Variants in CAMK1D observed in about 807,000 individuals in gnomAD.
CAMK1D encodes calcium/calmodulin dependent protein kinase ID.
CAMK1D carries 9 observed loss-of-function variants against 47.7 expected under a neutral mutation model. That is an observed-to-expected ratio of 0.19 (90% CI 0.11 to 0.33). CAMK1D has a LOEUF of 0.33. Among genes scored for constraint, CAMK1D ranks in the 10% least tolerant of loss-of-function variants. The probability of loss-of-function intolerance (pLI) is 1.00; values close to 1 mark genes in which losing one functional copy is unlikely to be tolerated. For synonymous variants in CAMK1D, 184 were observed against 184.9 expected, an observed-to-expected ratio of 0.99 and a Z score of 0.04; for missense variants, 291 against 488.7, an observed-to-expected ratio of 0.60 and a Z score of 3.81.
Position 12,553,269 on chromosome 10 carries a change from G to T in CAMK1D, c.137G>T (p.Gly46Val), listed in dbSNP as rs749966956. 1 of 1,614,170 alleles carries T rather than the reference G, an allele frequency of 6.2e-7. No homozygotes were observed. ...EVVLAEEKAT[G>V]KLFAVKCIPK... ...GTTTTAGCTGAAGAGAAGGCAACTG[G>T]CAAGCTCTTTGCTGTGAAGTGTATC... The change falls in exon 2 of 11, where the codon GGC (glycine) becomes GTC (valine). Residue 46 changes from glycine (G) to valine (V), a missense_variant. Physicochemically the swap from Gly to Val is moderately radical, Grantham distance 109. Around this residue, in one of 2 missense-constraint regions of CAMK1D, gnomAD observed 219 missense variants for 424.3 expected, o/e 0.52. Coordinates refer to ENST00000619168, the MANE Select transcript of CAMK1D (RefSeq NM_153498.4).
intron 3 of CAMK1D, among the ~76,000 whole-genome samples, chr10:12,734,309 C>T (rs1486004198): frequency 4.4e-5 from 5 of 114,092 alleles, no homozygotes; most frequent in Non-Finnish European, 5.0e-5. Context: ...GGCAACACAG[C>T]GAGACTCCAT....
chr10:12,602,797 GT>G (rs964739837), intron 2 of CAMK1D, among the ~76,000 whole-genome samples: 12 of 152,072 alleles, frequency 7.9e-5, no homozygotes, highest in Non-Finnish European at 1.6e-4. Flanking sequence ...GCCTCTGTCT[GT>G]GTGGGAAGGG....
intron 3 of CAMK1D, among the ~76,000 whole-genome samples, chr10:12,712,744 G>C (rs1833984396): frequency 6.6e-6 from 1 of 152,122 alleles, no homozygotes; most frequent in Non-Finnish European, 1.5e-5. Flanking sequence ...GGGTAGGGGA[G>C]ACTAACATTC....
intron 5 of CAMK1D, among the ~76,000 whole-genome samples, chr10:12,771,991 G>A (rs139859239): frequency 5.3e-5 from 8 of 151,812 alleles, no homozygotes; most frequent in East Asian, 3.9e-4. Context: ...CTGAGATTGC[G>A]CCACTGCACT....
chr10:12,825,842 C>A, intron 10 of CAMK1D, 152 bp downstream of exon 10: 2 of 1,307,714 alleles, frequency 1.5e-6, no homozygotes, highest in Non-Finnish European at 2.1e-6. Flanking sequence ...CTTTTTTTAA[C>A]ATGTAATCAC....
rs1644395 is a variant in CAMK1D, at chr10:12,831,464, A to G, written c.*2577A>G. ...TTTGCATTCAGAAAGCAGCATTTGA[A>G]GCTGAGTTCCATTACTGGTGATTGA... On this transcript the variant is annotated 3_prime_UTR_variant, in exon 11 of 11. Transcript: ENST00000619168. The G allele has an allele frequency of 0.32, 49,400 of 152,152 alleles. 8,332 individuals carry two copies. Among genetic ancestry groups the G allele is most frequent in the South Asian group, 0.42 (2,037 of 4,816 alleles). 9.4% of individuals were successfully genotyped at this position (152,152 alleles called of 1,614,324 possible).
At chr10:12,659,395 C>G (rs1353621004) in intron 2 of CAMK1D, among the ~76,000 whole-genome samples, 12 of 152,176 alleles carry the variant, frequency 7.9e-5, no homozygotes, top group Admixed American at 5.9e-4. Flanking sequence ...TGATTATAAA[C>G]TGTGAGTGAT....
At chr10:12,377,202 TA>T (rs1014085264) in intron 1 of CAMK1D, among the ~76,000 whole-genome samples, 114 of 149,578 alleles carry the variant, frequency 7.6e-4, no homozygotes, top group African/African-American at 1.8e-3. Context: ...ACAAACAAAT[TA>T]AAAAAAAAAT....
At chr10:12,440,096 A>G (rs1007185908) in intron 1 of CAMK1D, among the ~76,000 whole-genome samples, 4 of 152,222 alleles carry the variant, frequency 2.6e-5, no homozygotes, top group Non-Finnish European at 2.9e-5. Context: ...TTGGGTGGGG[A>G]CACAGCCAAA....
chr10:12,614,337 A>C (rs934587599), intron 2 of CAMK1D, among the ~76,000 whole-genome samples: 3 of 152,340 alleles, frequency 2.0e-5, no homozygotes, highest in African/African-American at 7.2e-5. Context: ...GTGCACATGT[A>C]ATCCAGATTG....
chr10:12,368,130 T>A (rs368711919), intron 1 of CAMK1D, among the ~76,000 whole-genome samples: 25 of 150,864 alleles, frequency 1.7e-4, no homozygotes, highest in African/African-American at 5.4e-4. Context: ...AGGCGGAGCT[T>A]GCAGTGAGCC....
intron 2 of CAMK1D, among the ~76,000 whole-genome samples, chr10:12,573,769 C>T (rs11257898): frequency 6.6e-6 from 1 of 151,202 alleles, no homozygotes. Flanking sequence ...ATCCTCCCAC[C>T]TCAGCCTCGC....
chr10:12,531,556 G>A (rs763588423), intron 1 of CAMK1D, among the ~76,000 whole-genome samples: 11 of 152,186 alleles, frequency 7.2e-5, no homozygotes, highest in Admixed American at 2.6e-4. Flanking sequence ...GAACTGCCAC[G>A]GAGCAGGAGA....
rs577248102 is a variant in CAMK1D, at chr10:12,752,355, C to A, written c.300-8593C>A. 6.4e-4 allele frequency among the ~76,000 whole-genome samples: 98 copies of A among 152,268 alleles called. 1 individual carries two copies. Among genetic ancestry groups the A allele is most frequent in the African/African-American group, 2.2e-3 (93 of 41,540 alleles). On this transcript the variant is annotated intron_variant, in intron 3 of 10. Transcript: ENST00000619168. ...GCTAGAAGAGTTTTAGTAGAGATCCCATTGGCTGAGAAACATTAGAACAAA... is the reference window on the plus strand; with the variant it reads ...GCTAGAAGAGTTTTAGTAGAGATCCAATTGGCTGAGAAACATTAGAACAAA...
At chr10:12,450,112 A>C (rs561752936) in intron 1 of CAMK1D, among the ~76,000 whole-genome samples, 11 of 137,776 alleles carry the variant, frequency 8.0e-5, no homozygotes, top group Admixed American at 2.9e-4. Flanking sequence ...AGAAGGAAGG[A>C]AGGGAGGGAG....
intron 3 of CAMK1D, among the ~76,000 whole-genome samples, chr10:12,723,964 A>T (rs1423631139): frequency 2.6e-5 from 4 of 151,860 alleles, no homozygotes; most frequent in Admixed American, 6.6e-5. Context: ...CTGTGTCCAG[A>T]TGTTCTCATT....
chr10:12,541,057 T>C (rs1370175295), intron 1 of CAMK1D, among the ~76,000 whole-genome samples: 2 of 152,176 alleles, frequency 1.3e-5, no homozygotes, highest in Non-Finnish European at 2.9e-5. Context: ...AGACATTGTA[T>C]CTAAATTGGA....
chr10:12,581,342 TA>T (rs768290736), intron 2 of CAMK1D, among the ~76,000 whole-genome samples: 2 of 152,246 alleles, frequency 1.3e-5, no homozygotes, highest in African/African-American at 4.8e-5. Flanking sequence ...TGTGCTGCTA[TA>T]AACATGCATG....
intron 1 of CAMK1D, among the ~76,000 whole-genome samples, chr10:12,424,470 C>G (rs1044331985): frequency 1.3e-5 from 2 of 152,116 alleles, no homozygotes; most frequent in Admixed American, 1.3e-4. Context: ...TTTAGGAACG[C>G]CTTCCCTCAC....
Sources: gnomAD v4.1 joint callset for allele counts (sites outside exome capture counted in the v4.1 genomes callset) on GRCh38, gnomAD v4.1.1 for gene constraint, gnomAD v4.1.1 regional missense constraint, MANE v1.5 for transcripts, NCBI Gene and HGNC (gene_info 2026-07-23, HGNC 2026-07-21) for gene names.